The following NALCN variants were observed in gnomAD, a reference collection of about 807,000 sequenced individuals.
NALCN encodes the protein sodium leak channel, non-selective, also known as sodium leak channel NALCN.
NALCN carries 111 observed loss-of-function variants against 225.3 expected under a neutral mutation model. The observed-to-expected ratio is 0.49, with a 90% CI of 0.42 to 0.58. NALCN has a LOEUF of 0.58. Ranked by LOEUF, NALCN falls within the 20% of genes least tolerant of loss-of-function variation. The probability of loss-of-function intolerance (pLI) is 0.00; values close to 1 mark genes in which losing one functional copy is unlikely to be tolerated. For missense variants in NALCN, 1,378 were observed against 2,202.4 expected (o/e 0.63, Z 7.49); for synonymous variants, 764 against 769.0 (o/e 0.99, Z 0.11).
chr13:101,124,039 C>T (rs984339418), intron 18 of NALCN, among the ~76,000 whole-genome samples: 1 of 152,154 alleles, frequency 6.6e-6, no homozygotes, highest in African/African-American at 2.4e-5. Context: ...TGTTTTTATA[C>T]TCATCATGTT....
At chr13:101,121,981 T>C (rs1051703754) in intron 18 of NALCN, among the ~76,000 whole-genome samples, 2 of 152,078 alleles carry the variant, frequency 1.3e-5, no homozygotes, top group African/African-American at 4.8e-5. Context: ...AAAAAATTCT[T>C]TTTCTCCCTC....
At chr13:101,223,114 G>GAAAAAAAC (rs2041008176) in intron 13 of NALCN, among the ~76,000 whole-genome samples, 1 of 151,890 alleles carries the variant, frequency 6.6e-6, no homozygotes, top group Non-Finnish European at 1.5e-5. Context: ...ACCTGACCCT[G>GAAAAAAAC]AAAAAAACAA....
intron 12 of NALCN, among the ~76,000 whole-genome samples, chr13:101,230,227 A>T (rs2140134831): frequency 6.6e-6 from 1 of 152,346 alleles, no homozygotes; most frequent in Admixed American, 6.5e-5. Flanking sequence ...GTTCCCAAGC[A>T]TTTGGGATAC....
chr13:101,229,587 A>G lies in NALCN; in HGVS notation c.1435-3T>C. On this transcript the variant is annotated splice_region_variant and splice_polypyrimidine_tract_variant and intron_variant, in intron 12 of 43. Transcript: ENST00000251127. ...ATCAGCCGAACTACTCGGAGAACCTATCAAGGGAGAGAGAAACATTTATTT... is the reference window on the plus strand; with the variant it reads ...ATCAGCCGAACTACTCGGAGAACCTGTCAAGGGAGAGAGAAACATTTATTT... 1.3e-6 allele frequency: 2 copies of G among 1,554,458 alleles called. No homozygotes were observed. Among genetic ancestry groups the G allele is most frequent in the Non-Finnish European group, 1.7e-6 (2 of 1,152,080 alleles).
Position 101,118,321 on chromosome 13 carries a change from A to T in NALCN, c.2192+6287T>A, listed in dbSNP as rs947530330. Among the ~76,000 whole-genome samples the T allele has an allele frequency of 1.9e-4, 29 of 152,230 alleles. 1 individual carries two copies. The highest frequency in any genetic ancestry group is 7.3e-5 in the Non-Finnish European group (5 of 68,040). ...AGCCCTTCTAATCCATAACACTATT[A>T]TAATCACTTTTGGGCTTAACTAAAA... On this transcript the variant is annotated intron_variant, in intron 18 of 43. Transcript: ENST00000251127.
intron 9 of NALCN, 123 bp downstream of exon 9, chr13:101,291,867 A>G: frequency 1.0e-6 from 1 of 969,032 alleles, no homozygotes. Context: ...GTATTTTTAA[A>G]CAGCTTCCTG....
intron 7 of NALCN, among the ~76,000 whole-genome samples, chr13:101,298,475 C>A (rs578256410): frequency 1.3e-5 from 2 of 152,132 alleles, no homozygotes; most frequent in African/African-American, 4.8e-5. Context: ...GCACATGCCA[C>A]CACGCCTGGC....
At chr13:101,139,315 C>T (rs769460423) in intron 17 of NALCN, among the ~76,000 whole-genome samples, 54 of 152,188 alleles carry the variant, frequency 3.5e-4, no homozygotes, top group Non-Finnish European at 5.9e-4. Context: ...CCCCAGCCCC[C>T]TTCTGGGGTT....
At position 101,280,868 on chromosome 13, in the gene NALCN, C is replaced by T. The variant is rs146250097; in HGVS notation, c.1134+3065G>A. Reference sequence around the variant, plus strand: ...CCTCATCCTTAGTCATTCTTTTCCTCATTCTCTCTCTCTCTTTTTTTTTTT... The same window carrying T: ...CCTCATCCTTAGTCATTCTTTTCCTTATTCTCTCTCTCTCTTTTTTTTTTT... On this transcript the variant is annotated intron_variant, in intron 10 of 43. Transcript: ENST00000251127. Among the ~76,000 whole-genome samples, 409 of 140,866 alleles carry T rather than the reference C, an allele frequency of 2.9e-3. 3 individuals carry two copies. Among genetic ancestry groups the T allele is most frequent in the African/African-American group, 0.01 (384 of 37,920 alleles). The allele number at this position is 140,866 out of a possible 152,430, so 92.4% of individuals were successfully genotyped here. A position where few individuals can be genotyped will look rare whatever the true frequency, so the allele number is the denominator to read the frequency against.
At chr13:101,208,963 T>C (rs920354284) in intron 13 of NALCN, among the ~76,000 whole-genome samples, 3 of 152,188 alleles carry the variant, frequency 2.0e-5, no homozygotes, top group African/African-American at 7.2e-5. Context: ...TTTATAGCAA[T>C]GCGTGTTTGC....
intron 10 of NALCN, among the ~76,000 whole-genome samples, chr13:101,261,609 C>T (rs754010127): frequency 1.8e-4 from 27 of 151,884 alleles, no homozygotes; most frequent in African/African-American, 3.4e-4. Flanking sequence ...TTGTAGCTAC[C>T]GTAAATGGGA....
chr13:101,415,228 T>C lies in NALCN; in HGVS notation c.-40+1085A>G, dbSNP rs201437101. ...ACACACATATATATATATATATACA[T>C]ACATATATATTTCAAAATCGCCACC... is the stretch of plus-strand genomic sequence containing the variant. On this transcript the variant is annotated intron_variant, in intron 1 of 43. Transcript: ENST00000251127. Among the ~76,000 whole-genome samples, 144 of 129,186 alleles carry C rather than the reference T, an allele frequency of 1.1e-3. 1 individual carries two copies. The highest frequency in any genetic ancestry group is 3.8e-3 in the African/African-American group (130 of 34,330). The allele number at this position is 129,186 out of a possible 152,430, so 84.8% of individuals were successfully genotyped here. A position where few individuals can be genotyped will look rare whatever the true frequency, so the allele number is the denominator to read the frequency against.
intron 7 of NALCN, among the ~76,000 whole-genome samples, chr13:101,337,985 AAC>A (rs2045437196): frequency 6.6e-6 from 1 of 152,196 alleles, no homozygotes; most frequent in East Asian, 1.9e-4. Flanking sequence ...GAGGATTAAA[AAC>A]ACAATGGATG....
At chr13:101,127,810 G>A (rs1478365069) in intron 17 of NALCN, among the ~76,000 whole-genome samples, 1 of 152,064 alleles carries the variant, frequency 6.6e-6, no homozygotes, top group Non-Finnish European at 1.5e-5. Flanking sequence ...AATAAAGAAG[G>A]CCTATAGTGA....
intron 6 of NALCN, among the ~76,000 whole-genome samples, chr13:101,361,035 T>C (rs2046238108): frequency 1.3e-5 from 2 of 152,212 alleles, no homozygotes; most frequent in Admixed American, 1.3e-4. Flanking sequence ...ACCTGGCCAA[T>C]TCTGAGAATC....
intron 13 of NALCN, among the ~76,000 whole-genome samples, chr13:101,192,590 A>G (rs954076829): frequency 2.6e-5 from 4 of 152,154 alleles, no homozygotes; most frequent in African/African-American, 9.7e-5. Context: ...GACAGCTTGA[A>G]GACAAACACA....
chr13:101,360,222 C>CTT (rs1484844388), intron 6 of NALCN, among the ~76,000 whole-genome samples: 1 of 141,718 alleles, frequency 7.1e-6, no homozygotes, highest in East Asian at 2.0e-4. Flanking sequence ...CTCTCTCTCT[C>CTT]TCTCTCTCCT....
chr13:101,147,643 A>G (rs537527486), intron 15 of NALCN, among the ~76,000 whole-genome samples: 1 of 152,186 alleles, frequency 6.6e-6, no homozygotes, highest in African/African-American at 2.4e-5. Context: ...GGCTCAAGGG[A>G]TCCTCTTGCC....
At chr13:101,120,783 G>C in intron 18 of NALCN, among the ~76,000 whole-genome samples, 1 of 152,134 alleles carries the variant, frequency 6.6e-6, no homozygotes, top group Non-Finnish European at 1.5e-5. Context: ...GAAAGCAGTG[G>C]AGAGGCACCA....
Sources: gnomAD v4.1 joint callset for allele counts (sites outside exome capture counted in the v4.1 genomes callset) on GRCh38, gnomAD v4.1.1 for gene constraint, MANE v1.5 for transcripts, NCBI Gene and HGNC (gene_info 2026-07-23, HGNC 2026-07-21) for gene names.